The following ZEB2 variants were observed in gnomAD, a reference collection of about 807,000 sequenced individuals.
ZEB2 encodes the protein zinc finger E-box-binding homeobox 2.
A neutral mutation model predicts 99.9 loss-of-function variants in ZEB2; 6 were observed. The ratio of observed to expected loss-of-function variants is 0.06; its 90% CI spans 0.03 to 0.12. The LOEUF is 0.12. Ranked by LOEUF, ZEB2 falls within the 10% of genes least tolerant of loss-of-function variation. The pLI, the probability that ZEB2 is intolerant of heterozygous loss-of-function variation, is 1.00. For missense variants in ZEB2, 969 were observed against 1,502.8 expected (o/e 0.64, Z 5.87); for synonymous variants, 517 against 542.5 (o/e 0.95, Z 0.65).
chr2:144,445,095 A>T (rs1703965303), intron 2 of ZEB2: 1 of 152,212 alleles, frequency 6.6e-6, no homozygotes, highest in Non-Finnish European at 1.5e-5. Context: ...CCTGACAGTA[A>T]GTAATATTTT....
chr2:144,441,957 G>A (rs1703923844), intron 2 of ZEB2, among the ~76,000 whole-genome samples: 2 of 152,152 alleles, frequency 1.3e-5, no homozygotes, highest in African/African-American at 2.4e-5. Context: ...TTATTATTCA[G>A]AAGTTTACAT....
chr2:144,387,262 A>G lies in ZEB2; in HGVS notation c.*2189T>C, dbSNP rs1560600880. The G allele has an allele frequency of 1.3e-5, 2 of 152,226 alleles. No homozygotes were observed. Among genetic ancestry groups the G allele is most frequent in the South Asian group, 2.1e-4 (1 of 4,832 alleles). 9.4% of individuals were successfully genotyped at this position (152,226 alleles called of 1,614,324 possible). ...TCTTTGATTCTAAAGTAGAAAAAATACATGGACAGCTACTATATTATAGTT... is the reference window on the plus strand; with the variant it reads ...TCTTTGATTCTAAAGTAGAAAAAATGCATGGACAGCTACTATATTATAGTT... On this transcript the variant is annotated 3_prime_UTR_variant, in exon 10 of 10. Transcript: ENST00000627532.
chr2:144,502,410 T>C (rs1416587339), intron 2 of ZEB2, among the ~76,000 whole-genome samples: 1 of 152,192 alleles, frequency 6.6e-6, no homozygotes, highest in Non-Finnish European at 1.5e-5. Context: ...GTGCTCCTGC[T>C]GGCAGATGCC....
rs1295293400 is a variant in ZEB2 at position 144,399,233 on chromosome 2, A to G, written c.1954T>C (p.Tyr652His). 13 of 1,614,114 alleles carry G rather than the reference A, an allele frequency of 8.1e-6. No individual in the cohort carries two copies. Among genetic ancestry groups the G allele is most frequent in the Non-Finnish European group, 1.1e-5 (13 of 1,180,016 alleles). The change falls in exon 8 of 10, where the codon TAC (tyrosine) becomes CAC (histidine). Residue 652 changes from tyrosine (Y) to histidine (H), a missense_variant. This residue lies in a region of ZEB2 where 346 missense variants were observed against 460.0 expected (regional missense o/e 0.75). Transcript: ENST00000627532. This position sits in a 1 kb window ranked among gnomAD's most constrained non-coding sequence, Gnocchi z 5.6. Reference protein sequence around the residue: ...EKGMTSPINPYKDHMSVLKAY... With the variant: ...EKGMTSPINPHKDHMSVLKAY... Reference sequence around the variant, plus strand: ...TTGAGTACAGACATGTGGTCCTTGTATGGGTTGATGGGGCTTGTCATTCCT... The same window carrying G: ...TTGAGTACAGACATGTGGTCCTTGTGTGGGTTGATGGGGCTTGTCATTCCT...
rs192807347 is a variant in ZEB2 at position 144,411,097 on chromosome 2, A to G, written c.404-6073T>C. On this transcript the variant is annotated intron_variant, in intron 4 of 9. Transcript: ENST00000627532. Reference sequence around the variant, plus strand: ...TATATATATATATATATATATATATATATGTATAATAGGGCATCTCATATA... The same window carrying G: ...TATATATATATATATATATATATATGTATGTATAATAGGGCATCTCATATA... Among the ~76,000 whole-genome samples, 774 of 99,118 alleles carry G rather than the reference A, an allele frequency of 7.8e-3. 9 individuals carry two copies. Among genetic ancestry groups the G allele is most frequent in the African/African-American group, 0.025 (725 of 29,130 alleles). 65.0% of individuals were successfully genotyped at this position (99,118 alleles called of 152,430 possible).
At chr2:144,427,764 C>G (rs999556416) in intron 3 of ZEB2, 16 of 152,072 alleles carry the variant, frequency 1.1e-4, no homozygotes, top group Non-Finnish European at 2.2e-4. Context: ...TCCAAATAGC[C>G]AAATGAGATT....
intron 2 of ZEB2, among the ~76,000 whole-genome samples, chr2:144,476,191 G>A (rs1023691313): frequency 6.6e-6 from 1 of 151,286 alleles, no homozygotes; most frequent in Non-Finnish European, 1.5e-5. Flanking sequence ...TAATTTTGTA[G>A]TTCTCATTTG....
intron 2 of ZEB2, chr2:144,511,545 T>G (rs1197441781): frequency 3.2e-5 from 41 of 1,280,236 alleles, no homozygotes; most frequent in Non-Finnish European, 4.1e-5. Flanking sequence ...CGTTTTCCTT[T>G]TAAAAACTGC....
intron 4 of ZEB2, among the ~76,000 whole-genome samples, chr2:144,406,276 A>G (rs958293187): frequency 4.6e-5 from 7 of 152,182 alleles, no homozygotes; most frequent in African/African-American, 1.7e-4. Context: ...AGTGTGTGAT[A>G]GGCATCATGT....
At chr2:144,498,014 A>AATATTATATATTATATAATAT in intron 2 of ZEB2, among the ~76,000 whole-genome samples, 1 of 20,914 alleles carries the variant, frequency 4.8e-5, no homozygotes, top group African/African-American at 1.4e-4. Context: ...ATAATATATT[A>AATATTATATATTATATAATAT]ATATTATATA....
chr2:144,446,970 C>A lies in ZEB2; in HGVS notation c.74-16944G>T, dbSNP rs184952395. ...GATGGAGGTTGCAGTGAGCTGAGAT[C>A]GCGCCACGGCACTCCAGCCTGGGTG... is the stretch of plus-strand genomic sequence containing the variant. On this transcript the variant is annotated intron_variant, in intron 2 of 9. Transcript: ENST00000627532. Among the ~76,000 whole-genome samples, 7 of 149,042 alleles carry A rather than the reference C, an allele frequency of 4.7e-5. No individual in the cohort carries two copies. In the Admixed American group the frequency reaches 4.7e-4, roughly 10 times the overall value.
At chr2:144,457,486 G>C (rs1417781033) in intron 2 of ZEB2, among the ~76,000 whole-genome samples, 2 of 152,142 alleles carry the variant, frequency 1.3e-5, no homozygotes, top group Non-Finnish European at 2.9e-5. Context: ...ACAGAGTATG[G>C]TGGTGTCAGT....
intron 2 of ZEB2, among the ~76,000 whole-genome samples, chr2:144,468,635 G>A (rs551770152): frequency 6.6e-6 from 1 of 151,892 alleles, no homozygotes; most frequent in South Asian, 2.1e-4. Context: ...GTGCATGTGT[G>A]TGTACATGCA....
chr2:144,418,464 G>C (rs1703573041), intron 4 of ZEB2, among the ~76,000 whole-genome samples: 1 of 152,060 alleles, frequency 6.6e-6, no homozygotes, highest in Non-Finnish European at 1.5e-5. Context: ...TGAGGCGGGG[G>C]GACACCTGAG....
rs2149872450 is a variant in ZEB2, at chr2:144,389,604, C to T, written c.3492G>A (p.Glu1164=). ...CCATACTTTTATTTTCACTTTCTTCCTCTTCCTCCTCGAACTCCTCGTCGC... is the reference window on the plus strand; with the variant it reads ...CCATACTTTTATTTTCACTTTCTTCTTCTTCCTCCTCGAACTCCTCGTCGC... The part of the protein sequence containing the change: ...QDGDEEFEEE[E]EESENKSMDT... The change falls in exon 10 of 10, where the codon GAG becomes GAA. Residue 1164 remains glutamate (E), a synonymous_variant. Coordinates refer to ENST00000627532, the MANE Select transcript of ZEB2 (RefSeq NM_014795.4). The surrounding 1 kb of genome is among the most constrained non-coding windows in gnomAD (Gnocchi z 6.8). The T allele has an allele frequency of 1.9e-6, 3 of 1,614,038 alleles. No individual in the cohort carries two copies. The highest frequency in any genetic ancestry group is 2.5e-6 in the Non-Finnish European group (3 of 1,180,024).
intron 4 of ZEB2, among the ~76,000 whole-genome samples, chr2:144,406,976 C>A (rs11683355): frequency 0.2 from 30,438 of 152,132 alleles, 3,129 homozygotes; most frequent in South Asian, 0.29. Context: ...GGAAAGAATT[C>A]AGTTTGTCAA....
At chr2:144,457,549 GAGA>G (rs1376306269) in intron 2 of ZEB2, among the ~76,000 whole-genome samples, 5 of 152,122 alleles carry the variant, frequency 3.3e-5, no homozygotes, top group Non-Finnish European at 7.4e-5. Flanking sequence ...GGGCAGAAGA[GAGA>G]AGGAGGAGAG....
At chr2:144,470,813 C>A (rs1454613823) in intron 2 of ZEB2, among the ~76,000 whole-genome samples, 3 of 152,088 alleles carry the variant, frequency 2.0e-5, no homozygotes, top group Admixed American at 2.0e-4. Flanking sequence ...TGGAACAAGA[C>A]CCCTACACTT....
chr2:144,474,984 GA>G (rs1303107183), intron 2 of ZEB2, among the ~76,000 whole-genome samples: 1 of 152,136 alleles, frequency 6.6e-6, no homozygotes, highest in Admixed American at 6.5e-5. Flanking sequence ...CTGAAGTGCA[GA>G]AATTATGCAC....
Sources: allele counts gnomAD v4.1 joint callset (sites outside exome capture counted in the v4.1 genomes callset), GRCh38; gene constraint gnomAD v4.1.1; regional missense constraint gnomAD v4.1.1; non-coding constraint Gnocchi (gnomAD v3.1); transcripts MANE v1.5; gene names NCBI Gene and HGNC (gene_info 2026-07-23, HGNC 2026-07-21).